Variants in LHFPL3 observed in about 807,000 individuals in gnomAD.
LHFPL3 encodes the protein LHFPL tetraspan subfamily member 3 protein.
LHFPL3 carries 5 observed loss-of-function variants against 19.3 expected under a neutral mutation model. That is an observed-to-expected ratio of 0.26 (90% confidence interval 0.14 to 0.54). The LOEUF (loss-of-function observed/expected upper bound fraction) is 0.54. Among genes scored for constraint, LHFPL3 ranks in the 20% least tolerant of loss-of-function variants. The probability of loss-of-function intolerance (pLI) is 0.94; values close to 1 mark genes in which losing one functional copy is unlikely to be tolerated. For missense variants in LHFPL3, 249 were observed against 307.4 expected, an observed-to-expected ratio of 0.81 and a Z score of 1.42; for synonymous variants, 133 against 126.2, an observed-to-expected ratio of 1.05 and a Z score of -0.36.
chr7:104,606,983 A>G (rs1791114914), intron 1 of LHFPL3, among the ~76,000 whole-genome samples: 1 of 152,186 alleles, frequency 6.6e-6, no homozygotes, highest in African/African-American at 2.4e-5. Context: ...CTTAGGTTCT[A>G]CAATACTGAT....
intron 1 of LHFPL3, among the ~76,000 whole-genome samples, chr7:104,478,601 A>G (rs1793071074): frequency 6.6e-6 from 1 of 151,972 alleles, no homozygotes; most frequent in African/African-American, 2.4e-5. Context: ...TATACCATCC[A>G]TGTCTCTGGT....
At chr7:104,438,006 G>A (rs1792145703) in intron 1 of LHFPL3, among the ~76,000 whole-genome samples, 1 of 152,160 alleles carries the variant, frequency 6.6e-6, no homozygotes, top group Non-Finnish European at 1.5e-5. Flanking sequence ...TCCATTAAGA[G>A]TCATCTCGTT....
Position 104,328,746 on chromosome 7 carries a change from C to CAGGAGG in LHFPL3, c.-12_-7dup, listed in dbSNP as rs71794813. 2,448 of 1,490,036 alleles carry CAGGAGG rather than the reference C, an allele frequency of 1.6e-3. 20 individuals are homozygous for CAGGAGG. In the African/African-American group the frequency reaches 0.027, roughly 16 times the overall value. The allele number at this position is 1,490,036 out of a possible 1,614,324, so 92.3% of individuals were successfully genotyped here. On this transcript the variant is annotated 5_prime_UTR_variant, in exon 1 of 3. Coordinates refer to ENST00000424859, the MANE Select transcript of LHFPL3 (RefSeq NM_199000.3). This position sits in a 1 kb window ranked among gnomAD's most constrained non-coding sequence, Gnocchi z 4.6. ...TGAGAGGCGGGGGGAGGCGGAGGAC[C>CAGGAGG]AGGAGGAGGAGGAGGAGGAGGAGGA...
chr7:104,783,400 C>T (rs931245934), intron 2 of LHFPL3, among the ~76,000 whole-genome samples: 2 of 152,198 alleles, frequency 1.3e-5, no homozygotes, highest in Non-Finnish European at 2.9e-5. Flanking sequence ...GGGACTGTAT[C>T]GTGTTGACTG....
At chr7:104,699,815 G>A (rs997989757) in intron 1 of LHFPL3, among the ~76,000 whole-genome samples, 1 of 152,110 alleles carries the variant, frequency 6.6e-6, no homozygotes, top group Admixed American at 6.5e-5. Context: ...TGGTTTACAC[G>A]CTGACATCAG....
At chr7:104,468,658 CTTT>C (rs11388073) in intron 1 of LHFPL3, among the ~76,000 whole-genome samples, 3 of 137,320 alleles carry the variant, frequency 2.2e-5, no homozygotes, top group East Asian at 2.2e-4. Context: ...TTGTATAAAC[CTTT>C]TTTTTTTTTT....
At chr7:104,445,822 C>A (rs1792319050) in intron 1 of LHFPL3, among the ~76,000 whole-genome samples, 1 of 152,092 alleles carries the variant, frequency 6.6e-6, no homozygotes, top group African/African-American at 2.4e-5. Flanking sequence ...TTTTCACATC[C>A]CACCTATCTC....
chr7:104,815,789 GC>G (rs1370256834), intron 2 of LHFPL3, among the ~76,000 whole-genome samples: 1 of 152,104 alleles, frequency 6.6e-6, no homozygotes, highest in Non-Finnish European at 1.5e-5. Flanking sequence ...TCATCTCATG[GC>G]AGGCTGCACA....
At chr7:104,473,996 C>T (rs1268906784) in intron 1 of LHFPL3, among the ~76,000 whole-genome samples, 1 of 152,192 alleles carries the variant, frequency 6.6e-6, no homozygotes, top group Non-Finnish European at 1.5e-5. Context: ...TTCATGTCCT[C>T]AATGTGTATT....
intron 1 of LHFPL3, among the ~76,000 whole-genome samples, chr7:104,710,181 T>G (rs1464183385): frequency 1.3e-5 from 2 of 152,256 alleles, no homozygotes; most frequent in African/African-American, 4.8e-5. Flanking sequence ...GATGTCATTT[T>G]GACAACTCAG....
At chr7:104,778,558 G>A (rs1794669814) in intron 2 of LHFPL3, among the ~76,000 whole-genome samples, 1 of 152,150 alleles carries the variant, frequency 6.6e-6, no homozygotes, top group African/African-American at 2.4e-5. Context: ...GCAACCATGT[G>A]TACCTGCAGG....
chr7:104,667,929 G>A lies in LHFPL3; in HGVS notation c.446-68746G>A, dbSNP rs1792388561. 4 of 1,613,142 alleles carry A rather than the reference G, an allele frequency of 2.5e-6. No homozygotes were observed. In the African/African-American group the frequency reaches 4.0e-5, roughly 16 times the overall value. On this transcript the variant is annotated intron_variant, in intron 1 of 2. Coordinates refer to ENST00000424859, the MANE Select transcript of LHFPL3 (RefSeq NM_199000.3). ...TACAACTTGGCACAGTAACGATGACGATGTGTACAGGGCGCCTCCAATTGA... is the reference window on the plus strand; with the variant it reads ...TACAACTTGGCACAGTAACGATGACAATGTGTACAGGGCGCCTCCAATTGA...
chr7:104,514,524 C>T (rs776995985), intron 1 of LHFPL3, among the ~76,000 whole-genome samples: 1 of 152,126 alleles, frequency 6.6e-6, no homozygotes, highest in East Asian at 1.9e-4. Flanking sequence ...ACCAGCCAGT[C>T]TGTTTAGAAA....
intron 2 of LHFPL3, among the ~76,000 whole-genome samples, chr7:104,750,209 T>C (rs1159614850): frequency 6.6e-6 from 1 of 152,210 alleles, no homozygotes; most frequent in Non-Finnish European, 1.5e-5. Context: ...GCCTTTTGTT[T>C]AGGCCAATTT....
At chr7:104,492,900 C>T (rs1793386253) in intron 1 of LHFPL3, among the ~76,000 whole-genome samples, 1 of 152,152 alleles carries the variant, frequency 6.6e-6, no homozygotes, top group Non-Finnish European at 1.5e-5. Context: ...TTGCCACTCC[C>T]TACTTTCATC....
At chr7:104,785,511 C>T (rs1033707306) in intron 2 of LHFPL3, among the ~76,000 whole-genome samples, 5 of 152,284 alleles carry the variant, frequency 3.3e-5, no homozygotes, top group South Asian at 2.1e-4. Context: ...CCCATAGGTC[C>T]CTCAAATTCA....
In LHFPL3 at chr7:104,556,832, C is replaced by A. The variant is rs544650102; in HGVS notation, c.446-179843C>A. ...CGAATGCCTTTAACAGAAACCAAGT[C>A]ATCTCTTGAATGCTTTGCTGCTTAG... On this transcript the variant is annotated intron_variant, in intron 1 of 2. Transcript: ENST00000424859. Among the ~76,000 whole-genome samples, 3 of 152,320 alleles carry A rather than the reference C, an allele frequency of 2.0e-5. No individual in the cohort carries two copies. In the South Asian group the frequency reaches 6.2e-4, roughly 32 times the overall value.
chr7:104,464,936 T>A (rs973182510), intron 1 of LHFPL3, among the ~76,000 whole-genome samples: 2 of 152,246 alleles, frequency 1.3e-5, no homozygotes, highest in African/African-American at 2.4e-5. Flanking sequence ...TGGAGTTTCT[T>A]TTCTATCACA....
chr7:104,368,652 C>CGTGTGTGTGTGTGT (rs67849394), intron 1 of LHFPL3, among the ~76,000 whole-genome samples: 4 of 150,098 alleles, frequency 2.7e-5, no homozygotes, highest in African/African-American at 7.4e-5. Flanking sequence ...CACACATGTA[C>CGTGTGTGTGTGTGT]GTGTGTGTGT....
Sources: gnomAD v4.1 joint callset for allele counts (sites outside exome capture counted in the v4.1 genomes callset) on GRCh38, gnomAD v4.1.1 for gene constraint, Gnocchi (gnomAD v3.1) non-coding constraint, MANE v1.5 for transcripts, NCBI Gene and HGNC (gene_info 2026-07-23, HGNC 2026-07-21) for gene names.